The following HTT-AS variants were observed in gnomAD, a reference collection of about 807,000 sequenced individuals.
The protein encoded by HTT-AS is HTT antisense RNA (head to head).
intron 1 of HTT-AS, among the ~76,000 whole-genome samples, chr4:3,072,824 C>T (rs1365101292): frequency 5.3e-5 from 8 of 152,192 alleles, no homozygotes; most frequent in Non-Finnish European, 7.3e-5. Flanking sequence ...GACAGGGTTT[C>T]GCCATGTTGG....
intron 1 of HTT-AS, among the ~76,000 whole-genome samples, chr4:3,072,027 G>T (rs928681296): frequency 1.3e-5 from 2 of 152,242 alleles, no homozygotes; most frequent in African/African-American, 4.8e-5. Flanking sequence ...ACTGTGGCTT[G>T]GCAGCACACA....
chr4:3,058,590 G>A (rs530764969), intron 2 of HTT-AS, among the ~76,000 whole-genome samples: 32 of 152,174 alleles, frequency 2.1e-4, no homozygotes, highest in African/African-American at 7.2e-4. Context: ...CTCATCCTGT[G>A]ACTATGAATG....
chr4:3,066,033 T>C (rs977139145), intron 1 of HTT-AS, among the ~76,000 whole-genome samples: 21 of 152,308 alleles, frequency 1.4e-4, no homozygotes, highest in South Asian at 2.1e-4. Flanking sequence ...CAGACAAACA[T>C]AAACATTAAC....
intron 2 of HTT-AS, among the ~76,000 whole-genome samples, chr4:3,059,732 C>T (rs1271214424): frequency 6.6e-6 from 1 of 151,826 alleles, no homozygotes; most frequent in African/African-American, 2.4e-5. Flanking sequence ...ACCACCACAC[C>T]CAGCTAATTT....
chr4:3,051,930 CT>C (rs1248744961), intron 2 of HTT-AS, among the ~76,000 whole-genome samples: 1 of 152,134 alleles, frequency 6.6e-6, no homozygotes, highest in Non-Finnish European at 1.5e-5. Flanking sequence ...TGTTTTAAGT[CT>C]TTGGGAGTTT....
At chr4:3,067,026 GA>G (rs1712068992) in intron 1 of HTT-AS, among the ~76,000 whole-genome samples, 1 of 152,156 alleles carries the variant, frequency 6.6e-6, no homozygotes, top group Non-Finnish European at 1.5e-5. Context: ...CAGGAAATCA[GA>G]AACTATAAAA....
intron 2 of HTT-AS, among the ~76,000 whole-genome samples, chr4:3,053,784 G>T: frequency 6.9e-6 from 1 of 144,520 alleles, no homozygotes; most frequent in Non-Finnish European, 1.5e-5. Flanking sequence ...TTGAGATGGA[G>T]TTTCACTCTT....
chr4:3,046,483 G>A (rs189686796), downstream of HTT-AS, among the ~76,000 whole-genome samples: 274 of 151,514 alleles, frequency 1.8e-3, 1 homozygote, highest in African/African-American at 6.5e-3. Flanking sequence ...GTTGCAGTTC[G>A]TCCACAAGGA....
chr4:3,066,728 C>T (rs998716693), intron 1 of HTT-AS, among the ~76,000 whole-genome samples: 1 of 152,138 alleles, frequency 6.6e-6, no homozygotes, highest in Non-Finnish European at 1.5e-5. Flanking sequence ...GTCCCAGGAG[C>T]CTGGCATTGC....
At chr4:3,054,036 G>A (rs1233801877) in intron 2 of HTT-AS, among the ~76,000 whole-genome samples, 1 of 151,964 alleles carries the variant, frequency 6.6e-6, no homozygotes, top group Non-Finnish European at 1.5e-5. Flanking sequence ...GGGATTACAG[G>A]TGTGAGCCAC....
At chr4:3,046,433 AG>A (rs537585481), downstream of HTT-AS, among the ~76,000 whole-genome samples, 77 of 152,296 alleles carry the variant, frequency 5.1e-4, 2 homozygotes, top group Admixed American at 2.3e-3. Flanking sequence ...CTCCCAAGTG[AG>A]GATGTCAGGG....
intron 1 of HTT-AS, among the ~76,000 whole-genome samples, chr4:3,073,903 C>CT (rs1480387274): frequency 3.9e-5 from 6 of 152,228 alleles, no homozygotes; most frequent in Admixed American, 3.9e-4. Context: ...GGGCAAACCC[C>CT]AAGGCCACCT....
chr4:3,068,245 G>T (rs1187794632), intron 1 of HTT-AS, among the ~76,000 whole-genome samples: 4 of 144,818 alleles, frequency 2.8e-5, no homozygotes, highest in Non-Finnish European at 4.5e-5. Flanking sequence ...GGCGGAGCTT[G>T]CAGTGAGCCG....
intron 2 of HTT-AS, among the ~76,000 whole-genome samples, chr4:3,051,284 C>G (rs1360889259): frequency 6.6e-6 from 1 of 152,052 alleles, no homozygotes; most frequent in Non-Finnish European, 1.5e-5. Context: ...AGGCTGGTCT[C>G]GAACTCCCGA....
chr4:3,066,887 A>G (rs1712067155), intron 1 of HTT-AS, among the ~76,000 whole-genome samples: 1 of 152,238 alleles, frequency 6.6e-6, no homozygotes, highest in South Asian at 2.1e-4. Context: ...AACTTCAGGC[A>G]TGAGAAACAT....
downstream of HTT-AS, among the ~76,000 whole-genome samples, chr4:3,047,339 CAAAACAA>C (rs1466230009): frequency 1.3e-5 from 2 of 151,922 alleles, no homozygotes; most frequent in Non-Finnish European, 1.5e-5. Context: ...CAAAACAAAA[CAAAACAA>C]AAAGAATAGT....
intron 1 of HTT-AS, among the ~76,000 whole-genome samples, chr4:3,064,097 T>C (rs1333541975): frequency 3.1e-5 from 1 of 32,648 alleles, no homozygotes; most frequent in Non-Finnish European, 8.3e-5. Flanking sequence ...AATAATAAAG[T>C]TTTTTTTTTT....
intron 1 of HTT-AS, among the ~76,000 whole-genome samples, chr4:3,066,230 T>C (rs1019093314): frequency 1.1e-4 from 17 of 151,940 alleles, no homozygotes; most frequent in African/African-American, 2.7e-4. Context: ...AGTGCAATGG[T>C]GCGATCTCAG....
At chr4:3,055,175 G>T (rs1324452909) in intron 2 of HTT-AS, among the ~76,000 whole-genome samples, 2 of 151,962 alleles carry the variant, frequency 1.3e-5, no homozygotes, top group African/African-American at 4.8e-5. Context: ...GCGGGCGCCT[G>T]TAGTCCCAGC....
Sources: gnomAD v4.1 joint callset for allele counts (sites outside exome capture counted in the v4.1 genomes callset) on GRCh38, gnomAD v4.1.1 for gene constraint, MANE v1.5 for transcripts, NCBI Gene and HGNC (gene_info 2026-07-23, HGNC 2026-07-21) for gene names.